The following ITGA8 variants were observed in gnomAD, a reference collection of about 807,000 sequenced individuals.
ITGA8 encodes integrin alpha-8.
ITGA8 carries 91 observed loss-of-function variants against 142.3 expected under a neutral mutation model. That is an observed-to-expected ratio of 0.64 (90% CI 0.54 to 0.76). ITGA8 has a LOEUF of 0.76. Among genes scored for constraint, ITGA8 ranks in the 30% least tolerant of loss-of-function variants. ITGA8 has a pLI of 0.00. For missense variants in ITGA8, 1,406 were observed against 1,327.7 expected, an observed-to-expected ratio of 1.06 and a Z score of -0.92; for synonymous variants, 505 against 485.2, an observed-to-expected ratio of 1.04 and a Z score of -0.54.
intron 12 of ITGA8, among the ~76,000 whole-genome samples, chr10:15,645,041 G>A (rs1389409718): frequency 1.5e-5 from 2 of 136,738 alleles, no homozygotes; most frequent in East Asian, 4.8e-4. Context: ...GTGGTGAGCA[G>A]TGAGTTGAGA....
At chr10:15,536,094 G>A (rs1272290433) in intron 27 of ITGA8, among the ~76,000 whole-genome samples, 1 of 151,974 alleles carries the variant, frequency 6.6e-6, no homozygotes, top group Non-Finnish European at 1.5e-5. Flanking sequence ...AACAAACTCT[G>A]GACACGCTGC....
At chr10:15,636,213 G>A (rs1334699569) in intron 13 of ITGA8, among the ~76,000 whole-genome samples, 2 of 152,006 alleles carry the variant, frequency 1.3e-5, no homozygotes, top group African/African-American at 4.8e-5. Flanking sequence ...ACGTTTAATG[G>A]GATTAGAGGA....
intron 13 of ITGA8, among the ~76,000 whole-genome samples, chr10:15,635,564 C>G (rs1833759256): frequency 6.6e-6 from 1 of 152,142 alleles, no homozygotes; most frequent in African/African-American, 2.4e-5. Flanking sequence ...ATTTTCATTT[C>G]TACTTGACAA....
intron 8 of ITGA8, among the ~76,000 whole-genome samples, chr10:15,664,852 T>C (rs1834357509): frequency 6.6e-6 from 1 of 152,152 alleles, no homozygotes; most frequent in African/African-American, 2.4e-5. Flanking sequence ...GAACTCATCC[T>C]TTTTATGGCT....
At chr10:15,605,852 T>C in intron 18 of ITGA8, 61 bp from the exon 19 acceptor site, 3 of 1,486,600 alleles carry the variant, frequency 2.0e-6, no homozygotes, top group Non-Finnish European at 2.8e-6. Flanking sequence ...ATCCTTTTTC[T>C]TGAAAATTCT....
chr10:15,666,668 C>T (rs925055133), intron 8 of ITGA8, among the ~76,000 whole-genome samples: 2 of 152,060 alleles, frequency 1.3e-5, no homozygotes, highest in Admixed American at 1.3e-4. Context: ...TCATAGATAG[C>T]TCTTATTATT....
At chr10:15,539,934 C>T (rs1694295544) in intron 27 of ITGA8, among the ~76,000 whole-genome samples, 1 of 152,104 alleles carries the variant, frequency 6.6e-6, no homozygotes, top group Admixed American at 6.6e-5. Flanking sequence ...TGTTGTAAGT[C>T]TCATGAGATC....
intron 23 of ITGA8, among the ~76,000 whole-genome samples, chr10:15,584,308 AAAG>A (rs1834475771): frequency 6.6e-6 from 1 of 152,130 alleles, no homozygotes; most frequent in Non-Finnish European, 1.5e-5. Flanking sequence ...AAAGAAAAGA[AAAG>A]AAAAGAAAAG....
intron 8 of ITGA8, 40 bp from the exon 9 acceptor site, chr10:15,660,962 C>A: frequency 7.1e-7 from 1 of 1,402,140 alleles, no homozygotes; most frequent in South Asian, 1.2e-5. Context: ...GAATTACTCA[C>A]ACACACAAAC....
chr10:15,539,452 C>G (rs1433066744), intron 27 of ITGA8, among the ~76,000 whole-genome samples: 1 of 152,132 alleles, frequency 6.6e-6, no homozygotes, highest in Non-Finnish European at 1.5e-5. Context: ...ACATTTGACA[C>G]TATCTCCCCT....
chr10:15,587,160 A>T (rs1449634481), intron 22 of ITGA8, among the ~76,000 whole-genome samples: 1 of 152,138 alleles, frequency 6.6e-6, no homozygotes, highest in Non-Finnish European at 1.5e-5. Context: ...TGACCTCATG[A>T]TCTGCCCACC....
At chr10:15,710,730 A>G (rs548388413) in intron 2 of ITGA8, among the ~76,000 whole-genome samples, 25 of 152,208 alleles carry the variant, frequency 1.6e-4, no homozygotes, top group Non-Finnish European at 3.4e-4. Flanking sequence ...TGGGGAAATC[A>G]TAGGCTCTGA....
intron 13 of ITGA8, among the ~76,000 whole-genome samples, chr10:15,633,728 C>T (rs1833722918): frequency 6.6e-6 from 1 of 152,224 alleles, no homozygotes; most frequent in African/African-American, 2.4e-5. Context: ...CCACCAAATT[C>T]CTTTTAAATT....
chr10:15,567,417 T>C (rs558022805), intron 25 of ITGA8, among the ~76,000 whole-genome samples: 1 of 152,264 alleles, frequency 6.6e-6, no homozygotes, highest in South Asian at 2.1e-4. Context: ...GGAAAAAAAT[T>C]AGCTCTAATG....
At chr10:15,558,704 A>T (rs9333212) in intron 25 of ITGA8, among the ~76,000 whole-genome samples, 6,290 of 151,988 alleles carry the variant, frequency 0.041, 276 homozygotes, top group African/African-American at 0.11. Flanking sequence ...ACGTTCCTGC[A>T]CTCCTTTAGG....
intron 25 of ITGA8, 120 bp downstream of exon 25, chr10:15,572,091 A>G: frequency 1.4e-6 from 1 of 718,176 alleles, no homozygotes; most frequent in South Asian, 3.1e-5. Flanking sequence ...AGTTCTGATC[A>G]ATGATCACTG....
At chr10:15,641,597 G>A (rs1001697778) in intron 13 of ITGA8, among the ~76,000 whole-genome samples, 2 of 152,072 alleles carry the variant, frequency 1.3e-5, no homozygotes, top group African/African-American at 4.8e-5. Flanking sequence ...CAGAATTGGC[G>A]CCAGAACCCA....
In ITGA8 at chr10:15,605,756, C is replaced by T. The variant is rs1229267153; in HGVS notation, c.1938G>A (p.Leu646=). 6.2e-7 allele frequency: 1 copy of T among 1,613,548 alleles called. No individual in the cohort carries two copies. Among genetic ancestry groups the T allele is most frequent in the East Asian group, 2.2e-5 (1 of 44,868 alleles). Residue 646 remains leucine (L), a synonymous_variant, in exon 19 of 30, where the codon CTG becomes CTA. Transcript: ENST00000378076. ...CCGACAGCTTCAAGTCAGGAACACA[C>T]AGATTGTCTTCTCCACAGTCCACCA... ...HILVDCGEDN[L]CVPDLKLSAR...
intron 27 of ITGA8, among the ~76,000 whole-genome samples, chr10:15,537,954 C>CA (rs1349511205): frequency 3.0e-5 from 4 of 132,274 alleles, no homozygotes; most frequent in Non-Finnish European, 6.4e-5. Flanking sequence ...TTCATCTCTA[C>CA]AAAAAACAAA....
Sources: gnomAD v4.1 joint callset for allele counts (sites outside exome capture counted in the v4.1 genomes callset) on GRCh38, gnomAD v4.1.1 for gene constraint, MANE v1.5 for transcripts, NCBI Gene and HGNC (gene_info 2026-07-23, HGNC 2026-07-21) for gene names.